ANO2: variants seen among roughly 807,000 people sequenced by gnomAD.
ANO2 encodes anoctamin 2, also known as anoctamin-2.
A neutral mutation model predicts 124.2 loss-of-function variants in ANO2; 101 were observed. The observed-to-expected ratio is 0.81, with a 90% CI of 0.69 to 0.96. ANO2 has a LOEUF of 0.96. ANO2 is among the 40% of genes least tolerant of loss of function. The probability of loss-of-function intolerance (pLI) is 0.00; values close to 1 mark genes in which losing one functional copy is unlikely to be tolerated. For synonymous variants in ANO2, 486 were observed against 482.5 expected (o/e 1.01, Z -0.09); for missense variants, 1,293 against 1,274.5 (o/e 1.01, Z -0.22).
intron 10 of ANO2, among the ~76,000 whole-genome samples, chr12:5,774,246 G>A (rs1952165283): frequency 6.6e-6 from 1 of 152,156 alleles, no homozygotes; most frequent in Non-Finnish European, 1.5e-5. Flanking sequence ...CTTGAGCCCA[G>A]GAGTTTGAAA....
intron 10 of ANO2, among the ~76,000 whole-genome samples, chr12:5,768,418 AG>A (rs1951963832): frequency 6.6e-6 from 1 of 152,178 alleles, no homozygotes; most frequent in Non-Finnish European, 1.5e-5. Flanking sequence ...AAGGAAAAAG[AG>A]CAGAAGTGTT....
At position 5,714,714 on chromosome 12, in the gene ANO2, T is replaced by G. The variant is rs927922321; in HGVS notation, c.1545+17806A>C. On this transcript the variant is annotated intron_variant, in intron 14 of 24. Coordinates refer to ENST00000682330, the MANE Select transcript of ANO2 (RefSeq NM_001364791.2). ...TCCCTTTTAATAAGATCTACTTATT[T>G]TAGACACGATTAAGAATTTACATTT... 2.0e-5 allele frequency among the ~76,000 whole-genome samples: 3 copies of G among 152,324 alleles called. No individual in the cohort carries two copies. The South Asian group carries it at 6.2e-4, about 32-fold the overall frequency.
At chr12:5,644,621 C>G (rs546191732) in intron 15 of ANO2, among the ~76,000 whole-genome samples, 42 of 152,256 alleles carry the variant, frequency 2.8e-4, no homozygotes, top group African/African-American at 1.0e-3. Flanking sequence ...TTTTCACAGT[C>G]AAGGTTCATA....
intron 1 of ANO2, among the ~76,000 whole-genome samples, chr12:5,923,372 T>G (rs905421143): frequency 9.2e-5 from 14 of 152,176 alleles, no homozygotes; most frequent in African/African-American, 3.1e-4. Flanking sequence ...GGGGTGGCAT[T>G]GAGCAAGTCA....
Position 5,563,419 on chromosome 12 carries a change from C to T in ANO2, c.2877G>A (p.Pro959=), listed in dbSNP as rs773072124. The T allele has an allele frequency of 1.9e-5, 31 of 1,612,106 alleles. No individual in the cohort carries two copies. The highest frequency in any genetic ancestry group is 5.0e-5 in the Admixed American group (3 of 59,792). ...EHEKLKLMDE[P]ALRSPGGGDR... Reference sequence around the variant, plus strand: ...CCCCACCTCCTGGGCTCCTCAGAGCCGGCTCATCCATCAGCTTGAGCTTCT... The same window carrying T: ...CCCCACCTCCTGGGCTCCTCAGAGCTGGCTCATCCATCAGCTTGAGCTTCT... The change falls in exon 25 of 25, where the codon CCG becomes CCA. Residue 959 remains proline (P), a synonymous_variant. Coordinates refer to ENST00000682330, the MANE Select transcript of ANO2 (RefSeq NM_001364791.2).
At chr12:5,656,622 T>C (rs1947170835) in intron 14 of ANO2, among the ~76,000 whole-genome samples, 1 of 152,210 alleles carries the variant, frequency 6.6e-6, no homozygotes, top group African/African-American at 2.4e-5. Context: ...TTCCTCTTCA[T>C]GAACTGTCAG....
chr12:5,936,032 T>A (rs1417620808), intron 1 of ANO2, among the ~76,000 whole-genome samples: 1 of 152,256 alleles, frequency 6.6e-6, no homozygotes, highest in Admixed American at 6.5e-5. Flanking sequence ...GCAATTTGCA[T>A]ATCTTCTTTG....
intron 3 of ANO2, among the ~76,000 whole-genome samples, chr12:5,905,243 G>A (rs572270078): frequency 6.6e-6 from 1 of 152,120 alleles, no homozygotes; most frequent in Non-Finnish European, 1.5e-5. Flanking sequence ...GGCTCTGGCA[G>A]GGAGGACGGT....
At position 5,671,748 on chromosome 12, in the gene ANO2, T is replaced by C. The variant is rs1441771345; in HGVS notation, c.1546-23947A>G. On this transcript the variant is annotated intron_variant, in intron 14 of 24. Coordinates refer to ENST00000682330, the MANE Select transcript of ANO2 (RefSeq NM_001364791.2). Reference sequence around the variant, plus strand: ...GTGCAAATGACAATACTCGAAAGCCTAGAGATATACTCAGCCATTTTCTTT... The same window carrying C: ...GTGCAAATGACAATACTCGAAAGCCCAGAGATATACTCAGCCATTTTCTTT... 2.6e-5 allele frequency among the ~76,000 whole-genome samples: 4 copies of C among 152,202 alleles called. No individual in the cohort carries two copies. The East Asian group carries it at 7.7e-4, about 29-fold the overall frequency.
At chr12:5,640,817 G>A (rs566744890) in intron 15 of ANO2, among the ~76,000 whole-genome samples, 55 of 152,322 alleles carry the variant, frequency 3.6e-4, no homozygotes, top group South Asian at 1.2e-3. Context: ...ACAGTGTGGC[G>A]ATTCCTCAAG....
At position 5,570,828 on chromosome 12, in the gene ANO2, A is replaced by G. The variant is rs141197768; in HGVS notation, c.2621+5006T>C. On this transcript the variant is annotated intron_variant, in intron 23 of 24. Transcript: ENST00000682330. ...ACACAACTACATACAATATTTTCAT[A>G]CCATCTGAGCTACTTAAAACTGCCT... Among the ~76,000 whole-genome samples, 346 of 152,348 alleles carry G rather than the reference A, an allele frequency of 2.3e-3. 1 individual carries two copies. The highest frequency in any genetic ancestry group is 7.5e-3 in the African/African-American group (312 of 41,582).
At chr12:5,795,769 C>T (rs12814768) in intron 10 of ANO2, among the ~76,000 whole-genome samples, 3,437 of 152,240 alleles carry the variant, frequency 0.023, 44 homozygotes, top group Middle Eastern at 0.038. Flanking sequence ...AGACAGATTA[C>T]GGCCCTGACT....
chr12:5,744,007 A>C lies in ANO2; in HGVS notation c.1351+150T>G, dbSNP rs181208123. 69 of 901,694 alleles carry C rather than the reference A, an allele frequency of 7.7e-5. No individual in the cohort carries two copies. In the African/African-American group the frequency reaches 9.9e-4, roughly 13 times the overall value. 55.9% of individuals were successfully genotyped at this position (901,694 alleles called of 1,614,324 possible). A position where few individuals can be genotyped will look rare whatever the true frequency, so the allele number is the denominator to read the frequency against. ...TTTCTATTCACACATATGAGTAAAG[A>C]AAAGAAAAGTGTCATCCTTAAAATA... On this transcript the variant is annotated intron_variant, in intron 12 of 24. Coordinates refer to ENST00000682330, the MANE Select transcript of ANO2 (RefSeq NM_001364791.2).
chr12:5,874,228 A>T (rs1479244269), intron 3 of ANO2, among the ~76,000 whole-genome samples: 1 of 152,204 alleles, frequency 6.6e-6, no homozygotes, highest in Admixed American at 6.5e-5. Flanking sequence ...TCTTTCTCCT[A>T]AAGAGCTAGG....
chr12:5,612,824 T>A, intron 18 of ANO2, 68 bp from the exon 19 acceptor site: 1 of 1,608,090 alleles, frequency 6.2e-7, no homozygotes, highest in Non-Finnish European at 8.5e-7. Flanking sequence ...GGGGCGCGAA[T>A]GAAGCCATGC....
chr12:5,809,565 C>T lies in ANO2; in HGVS notation c.893-2197G>A, dbSNP rs115142489. Among the ~76,000 whole-genome samples, 807 of 152,298 alleles carry T rather than the reference C, an allele frequency of 5.3e-3. 11 individuals carry two copies. Among genetic ancestry groups the T allele is most frequent in the African/African-American group, 0.019 (775 of 41,556 alleles). On this transcript the variant is annotated intron_variant, in intron 7 of 24. Transcript: ENST00000682330. ...TCTCAGCTGGACTTTGCACGGTAGC[C>T]GAGTGTCTGGAAGCATCAGACCATT...
chr12:5,615,110 A>G, intron 17 of ANO2, 76 bp downstream of exon 17: 1 of 1,159,030 alleles, frequency 8.6e-7, no homozygotes, highest in Non-Finnish European at 1.3e-6. Flanking sequence ...GGACAGGCTG[A>G]CCCTATTGTC....
chr12:5,605,945 C>G lies in ANO2; in HGVS notation c.2088-6316G>C, dbSNP rs570714733. ...AAGCATCGGCCACAACTGTGTCAGG[C>G]CCCAAGAGCCTGGGGTTGTGTGAGT... On this transcript the variant is annotated intron_variant, in intron 19 of 24. Coordinates refer to ENST00000682330, the MANE Select transcript of ANO2 (RefSeq NM_001364791.2). Among the ~76,000 whole-genome samples, 18 of 152,280 alleles carry G rather than the reference C, an allele frequency of 1.2e-4. No homozygotes were observed. In the South Asian group the frequency reaches 2.3e-3, roughly 19 times the overall value.
At position 5,658,451 on chromosome 12, in the gene ANO2, ACAT is replaced by A. The variant is rs61139604; in HGVS notation, c.1546-10653_1546-10651del. 0.59 allele frequency among the ~76,000 whole-genome samples: 89,466 copies of A among 150,818 alleles called. 27,866 individuals carry two copies. Among genetic ancestry groups the A allele is most frequent in the East Asian group, 0.96 (4,902 of 5,122 alleles). ...ACCATCAAAATTAACATAATCATCA[ACAT>A]CATCATCATATCATCACTATCATCA... On this transcript the variant is annotated intron_variant, in intron 14 of 24. Transcript: ENST00000682330. This position sits in a 1 kb window ranked among gnomAD's most constrained non-coding sequence, Gnocchi z 4.3.
Sources: gnomAD v4.1 joint callset for allele counts (sites outside exome capture counted in the v4.1 genomes callset) on GRCh38, gnomAD v4.1.1 for gene constraint, Gnocchi (gnomAD v3.1) non-coding constraint, MANE v1.5 for transcripts, NCBI Gene and HGNC (gene_info 2026-07-23, HGNC 2026-07-21) for gene names.